SLC4A5: variants seen among roughly 807,000 people sequenced by gnomAD.
The protein encoded by SLC4A5 is solute carrier family 4 member 5, also known as electrogenic sodium bicarbonate cotransporter 4.
In SLC4A5, 96 loss-of-function variants were observed where a neutral mutation model predicts 120.4. That is an observed-to-expected ratio of 0.80 (90% CI 0.68 to 0.94). The LOEUF is 0.94. Among genes scored for constraint, SLC4A5 ranks in the 40% least tolerant of loss-of-function variants. The probability of loss-of-function intolerance (pLI) is 0.00; values close to 1 mark genes in which losing one functional copy is unlikely to be tolerated. For missense variants in SLC4A5, 1,259 were observed against 1,459.5 expected, an observed-to-expected ratio of 0.86 and a Z score of 2.24; for synonymous variants, 550 against 571.1, an observed-to-expected ratio of 0.96 and a Z score of 0.53.
chr2:74,333,322 A>C (rs1432487909), intron 4 of SLC4A5, among the ~76,000 whole-genome samples: 1 of 152,174 alleles, frequency 6.6e-6, no homozygotes, highest in Non-Finnish European at 1.5e-5. Context: ...GCTCTCACTC[A>C]GGCAAAAGGA....
chr2:74,265,112 T>C, exon 9 of SLC4A5: 1 of 1,613,582 alleles, frequency 6.2e-7, no homozygotes, highest in Non-Finnish European at 8.5e-7. Context: ...ACCTATGATC[T>C]GTGGTAAGGA....
intron 7 of SLC4A5, among the ~76,000 whole-genome samples, chr2:74,297,414 C>A (rs1280637214): frequency 6.6e-6 from 1 of 152,192 alleles, no homozygotes; most frequent in Admixed American, 6.5e-5. Context: ...TGGGACAAGT[C>A]TCAGTCCTGG....
At chr2:74,279,450 C>A (rs1468842795) in intron 8 of SLC4A5, among the ~76,000 whole-genome samples, 1 of 152,186 alleles carries the variant, frequency 6.6e-6, no homozygotes, top group Non-Finnish European at 1.5e-5. Flanking sequence ...CCTTCTCAGT[C>A]TCTTTCGTGG....
At chr2:74,270,504 T>C (rs890044368) in intron 8 of SLC4A5, among the ~76,000 whole-genome samples, 1 of 152,116 alleles carries the variant, frequency 6.6e-6, no homozygotes, top group Admixed American at 6.6e-5. Flanking sequence ...AAACCCTGTC[T>C]CTACTAAAAA....
chr2:74,340,013 T>A (rs72903292), intron 2 of SLC4A5, among the ~76,000 whole-genome samples: 1,565 of 152,280 alleles, frequency 0.01, 31 homozygotes, highest in African/African-American at 0.035. Flanking sequence ...GAGAGTAGAT[T>A]AATGGCTACC....
chr2:74,316,291 T>C (rs764840295), intron 5 of SLC4A5, among the ~76,000 whole-genome samples: 3 of 141,440 alleles, frequency 2.1e-5, no homozygotes, highest in Admixed American at 7.4e-5. Context: ...TTGATAATTA[T>C]TGAAGCTAGG....
At chr2:74,331,363 A>G (rs1015722385) in intron 4 of SLC4A5, among the ~76,000 whole-genome samples, 4 of 151,584 alleles carry the variant, frequency 2.6e-5, no homozygotes, top group African/African-American at 9.7e-5. Flanking sequence ...TGAGGTGTAG[A>G]TGGTAGTGGT....
At chr2:74,239,172 G>C (rs551650931) in intron 21 of SLC4A5, among the ~76,000 whole-genome samples, 163 bp downstream of exon 21, 1 of 152,120 alleles carries the variant, frequency 6.6e-6, no homozygotes, top group Non-Finnish European at 1.5e-5. Flanking sequence ...GTTGTCAAGG[G>C]GACCAGCCAA....
At chr2:74,287,549 A>G (rs1211542553) in intron 7 of SLC4A5, among the ~76,000 whole-genome samples, 2 of 152,132 alleles carry the variant, frequency 1.3e-5, no homozygotes, top group East Asian at 1.9e-4. Context: ...ATCCAGGCCC[A>G]TGAGCCCCAC....
intron 6 of SLC4A5, chr2:74,308,012 G>A: frequency 3.7e-6 from 2 of 541,618 alleles, no homozygotes; most frequent in Non-Finnish European, 7.4e-6. Flanking sequence ...AGCTCATGCT[G>A]TCCGGGGAGG....
chr2:74,234,319 C>T (rs560552294), intron 22 of SLC4A5, among the ~76,000 whole-genome samples: 4 of 152,134 alleles, frequency 2.6e-5, no homozygotes, highest in Non-Finnish European at 5.9e-5. Flanking sequence ...GCTGGGACTA[C>T]AAGCGCCCGC....
At chr2:74,251,188 C>T (rs1048346724) in intron 16 of SLC4A5, among the ~76,000 whole-genome samples, 2 of 151,894 alleles carry the variant, frequency 1.3e-5, no homozygotes, top group Non-Finnish European at 1.5e-5. Flanking sequence ...CTACTAGATG[C>T]GAGTAGCATC....
chr2:74,302,848 C>T (rs979065848), intron 7 of SLC4A5, among the ~76,000 whole-genome samples: 7 of 152,170 alleles, frequency 4.6e-5, no homozygotes, highest in African/African-American at 1.7e-4. Context: ...CTCCACCTTC[C>T]AAGGACGACC....
At chr2:74,229,460 T>C (rs1025956631) in intron 25 of SLC4A5, among the ~76,000 whole-genome samples, 3 of 152,116 alleles carry the variant, frequency 2.0e-5, no homozygotes, top group Non-Finnish European at 4.4e-5. Context: ...TTCACCATGT[T>C]GGCCAGGCTG....
intron 30 of SLC4A5, among the ~76,000 whole-genome samples, chr2:74,219,176 GGTGTGTGTGT>G (rs58141033): frequency 9.3e-4 from 125 of 134,340 alleles, no homozygotes; most frequent in Middle Eastern, 3.8e-3. Flanking sequence ...GCTCTTTGGA[GGTGTGTGTGT>G]GTGTGTGTGT....
chr2:74,258,667 T>G (rs937833308), intron 12 of SLC4A5, among the ~76,000 whole-genome samples: 16 of 152,250 alleles, frequency 1.1e-4, no homozygotes, highest in African/African-American at 3.6e-4. Context: ...TAAGCCTCAG[T>G]GTTCTCTCAT....
chr2:74,223,927 C>T (rs141934896), intron 28 of SLC4A5, among the ~76,000 whole-genome samples: 257 of 152,176 alleles, frequency 1.7e-3, no homozygotes, highest in African/African-American at 5.4e-3. Context: ...GGCAAAATCA[C>T]GAGAACAGGA....
chr2:74,307,933 C>T (rs1380440190), intron 6 of SLC4A5: 32 of 507,850 alleles, frequency 6.3e-5, no homozygotes, highest in Non-Finnish European at 9.2e-5. Context: ...ACCAGCCAGG[C>T]GCCGTAGCTG....
Position 74,253,146 on chromosome 2 carries a change from G to C in SLC4A5, c.1114-18C>G. 6.2e-7 allele frequency: 1 copy of C among 1,613,600 alleles called. No homozygotes were observed. On this transcript the variant is annotated intron_variant, in intron 14 of 30. Coordinates refer to ENST00000394019, the Ensembl canonical transcript of SLC4A5. ...CTGAAGAGCTGGCGAGGAGAGAGGA[G>C]GGAGAAAAGAAAGATCGGGTCTGTT...
Sources: gnomAD v4.1 joint callset for allele counts (sites outside exome capture counted in the v4.1 genomes callset) on GRCh38, gnomAD v4.1.1 for gene constraint, MANE v1.5 for transcripts, NCBI Gene and HGNC (gene_info 2026-07-23, HGNC 2026-07-21) for gene names.